The following EFHB variants were observed in gnomAD, a reference collection of about 807,000 sequenced individuals.
The protein encoded by EFHB is EF-hand domain-containing family member B.
EFHB carries 91 observed loss-of-function variants against 87.2 expected under a neutral mutation model. That is an observed-to-expected ratio of 1.04 (90% CI 0.88 to 1.24). The LOEUF is 1.24. EFHB is among the 50% of genes most tolerant of loss of function. The pLI, the probability that EFHB is intolerant of heterozygous loss-of-function variation, is 0.00. For missense variants in EFHB, 1,084 were observed against 998.8 expected, an observed-to-expected ratio of 1.09 and a Z score of -1.15; for synonymous variants, 325 against 333.6, an observed-to-expected ratio of 0.97 and a Z score of 0.28.
intron 12 of EFHB, among the ~76,000 whole-genome samples, chr3:19,881,492 T>C: frequency 6.6e-6 from 1 of 152,230 alleles, no homozygotes; most frequent in East Asian, 1.9e-4. Context: ...GCAGGAGATT[T>C]CTGTTTCTTT....
At position 19,899,457 on chromosome 3, in the gene EFHB, G is replaced by A. The variant is rs1160855639; in HGVS notation, c.1477C>T (p.His493Tyr). The A allele has an allele frequency of 3.7e-6, 6 of 1,604,662 alleles. No homozygotes were observed. Among genetic ancestry groups the A allele is most frequent in the Non-Finnish European group, 5.1e-6 (6 of 1,177,078 alleles). The part of the protein sequence containing the change: ...RADDFKEKFQ[H>Y]KLGRVLDPIA... The stretch of plus-strand genomic sequence containing the variant: ...GGATCTAAAACTCTTCCAAGTTTAT[G>A]TTGAAACTTTTCTTTGAAATCATCT... Residue 493 changes from histidine (H) to tyrosine (Y), a missense_variant, in exon 7 of 13, where the codon CAT becomes TAT. Physicochemically the swap from His to Tyr is moderately conservative, Grantham distance 83 (BLOSUM62 2). Transcript: ENST00000295824.
intron 3 of EFHB, among the ~76,000 whole-genome samples, chr3:19,919,632 T>C (rs923149092): frequency 1.3e-5 from 2 of 152,176 alleles, no homozygotes; most frequent in African/African-American, 4.8e-5. Context: ...AACTATTAAT[T>C]TCTTCACACT....
Position 19,922,326 on chromosome 3 carries a change from A to C in EFHB, c.790-1759T>G, listed in dbSNP as rs368883085. Among the ~76,000 whole-genome samples, 35 of 152,310 alleles carry C rather than the reference A, an allele frequency of 2.3e-4. No homozygotes were observed. In the South Asian group the frequency reaches 7.0e-3, roughly 31 times the overall value. ...GGTGTGGTAAAGCTTGGATATGAAA[A>C]TAGAAAGATTGGTTGAAAGTGTGTA... is the stretch of plus-strand genomic sequence containing the variant. On this transcript the variant is annotated intron_variant, in intron 1 of 12. Coordinates refer to ENST00000295824, the MANE Select transcript of EFHB (RefSeq NM_144715.4).
chr3:19,882,047 ATAAATAAATAAATAAT>A (rs57376568), intron 12 of EFHB, among the ~76,000 whole-genome samples: 5,723 of 102,072 alleles, frequency 0.056, 360 homozygotes, highest in African/African-American at 0.16. Context: ...AAATAAATAA[ATAAATAAATAAATAAT>A]TAAATAAGAC....
chr3:19,923,890 A>G (rs891633154), intron 1 of EFHB, among the ~76,000 whole-genome samples: 4 of 152,250 alleles, frequency 2.6e-5, no homozygotes, highest in Non-Finnish European at 5.9e-5. Flanking sequence ...TTTAGAATTT[A>G]AATATGATAA....
intron 9 of EFHB, among the ~76,000 whole-genome samples, chr3:19,889,842 G>A (rs1358844577): frequency 6.6e-6 from 1 of 152,064 alleles, no homozygotes; most frequent in Non-Finnish European, 1.5e-5. Context: ...TACAAAATTA[G>A]CCAGCGTGGT....
intron 6 of EFHB, among the ~76,000 whole-genome samples, chr3:19,902,218 G>A (rs75950297): frequency 4.7e-4 from 71 of 152,210 alleles, no homozygotes; most frequent in African/African-American, 1.5e-3. Flanking sequence ...TCACACATGC[G>A]CACAAACACA....
At chr3:19,915,987 A>AT (rs1419706743) in intron 4 of EFHB, among the ~76,000 whole-genome samples, 1 of 152,038 alleles carries the variant, frequency 6.6e-6, no homozygotes, top group Non-Finnish European at 1.5e-5. Context: ...TCAAAAAAAA[A>AT]CTATATTATC....
rs748355747 is a variant in EFHB at position 19,933,514 on chromosome 3, G to T, written c.505C>A (p.Gln169Lys). ...GKPAFVMEPR[Q>K]EMEKESTCVL... ...CAGGTAGACTCTTTTTCCATTTCCT[G>T]TCTTGGTTCCATAACGAAAGCAGGC... The change falls in exon 1 of 13, where the codon CAG (glutamine) becomes AAG (lysine). Residue 169 changes from glutamine to lysine, a missense_variant. Coordinates refer to ENST00000295824, the MANE Select transcript of EFHB (RefSeq NM_144715.4). 3 of 1,613,792 alleles carry T rather than the reference G, an allele frequency of 1.9e-6. No individual in the cohort carries two copies. The highest frequency in any genetic ancestry group is 1.7e-5 in the Admixed American group (1 of 59,992).
chr3:19,889,676 AAT>A (rs1220792331), intron 9 of EFHB, among the ~76,000 whole-genome samples: 6 of 152,176 alleles, frequency 3.9e-5, no homozygotes, highest in African/African-American at 1.4e-4. Context: ...GAGAACTTAA[AAT>A]ATATGATCTT....
At chr3:19,917,995 A>G (rs1043084798) in intron 4 of EFHB, among the ~76,000 whole-genome samples, 4 of 152,166 alleles carry the variant, frequency 2.6e-5, no homozygotes, top group Admixed American at 1.3e-4. Flanking sequence ...TCTTTACACC[A>G]TGCCTACTAT....
intron 1 of EFHB, among the ~76,000 whole-genome samples, chr3:19,921,047 G>T (rs766860400): frequency 6.6e-6 from 1 of 151,980 alleles, no homozygotes; most frequent in Non-Finnish European, 1.5e-5. Flanking sequence ...CCTTGCCTCC[G>T]AAAATAAATA....
At chr3:19,938,000 CTTAG>C (rs988796809), upstream of EFHB, among the ~76,000 whole-genome samples, 2 of 152,144 alleles carry the variant, frequency 1.3e-5, no homozygotes, top group Non-Finnish European at 2.9e-5. Flanking sequence ...AAAGACGGGG[CTTAG>C]TAGTGAGAGA....
At chr3:19,939,940 G>A (rs1696118353) in intron 1 of EFHB, among the ~76,000 whole-genome samples, 1 of 152,134 alleles carries the variant, frequency 6.6e-6, no homozygotes, top group South Asian at 2.1e-4. Flanking sequence ...AGATTTGATT[G>A]TATCTCCTCT....
At chr3:19,936,909 A>T (rs937072094), upstream of EFHB, among the ~76,000 whole-genome samples, 160 of 148,724 alleles carry the variant, frequency 1.1e-3, no homozygotes, top group African/African-American at 3.8e-3. Flanking sequence ...ATAAATAAAT[A>T]AATAAAAAGT....
chr3:19,898,741 GT>G, intron 8 of EFHB, 36 bp downstream of exon 8: 1 of 1,599,156 alleles, frequency 6.3e-7, no homozygotes, highest in Non-Finnish European at 8.6e-7. Flanking sequence ...GTTGCTGTTT[GT>G]TTGGGGTTTT....
At chr3:19,886,428 A>C (rs1046502558) in intron 10 of EFHB, among the ~76,000 whole-genome samples, 1 of 152,204 alleles carries the variant, frequency 6.6e-6, no homozygotes, top group Admixed American at 6.5e-5. Flanking sequence ...TAAAAAGCTG[A>C]ACCTCTAATA....
chr3:19,880,784 A>G (rs2071655972), intron 12 of EFHB, among the ~76,000 whole-genome samples: 2 of 152,210 alleles, frequency 1.3e-5, no homozygotes, highest in African/African-American at 4.8e-5. Flanking sequence ...TAAGAAAAAT[A>G]TAGGAAAGGA....
At chr3:19,935,162 G>A (rs760070955), upstream of EFHB, among the ~76,000 whole-genome samples, 1 of 151,952 alleles carries the variant, frequency 6.6e-6, no homozygotes, top group South Asian at 2.1e-4. Context: ...CCACCGCCTC[G>A]GCCTTCCAAA....
Sources: gnomAD v4.1 joint callset for allele counts (sites outside exome capture counted in the v4.1 genomes callset) on GRCh38, gnomAD v4.1.1 for gene constraint, MANE v1.5 for transcripts, NCBI Gene and HGNC (gene_info 2026-07-23, HGNC 2026-07-21) for gene names.